The following UGT1A8 variants were observed in gnomAD, a reference collection of about 807,000 sequenced individuals.
UGT1A8 encodes the protein UDP-glucuronosyltransferase 1A8.
UGT1A8 carries 39 observed loss-of-function variants against 45.3 expected under a neutral mutation model. The ratio of observed to expected loss-of-function variants is 0.86; its 90% CI spans 0.67 to 1.12. The LOEUF is 1.12. Among genes scored for constraint, UGT1A8 ranks in the 50% most tolerant of loss-of-function variants. UGT1A8 has a pLI of 0.00. For synonymous variants in UGT1A8, 275 were observed against 249.2 expected, an observed-to-expected ratio of 1.10 and a Z score of -0.97; for missense variants, 719 against 664.9, an observed-to-expected ratio of 1.08 and a Z score of -0.90.
chr2:233,673,507 C>T (rs2074260225), intron 1 of UGT1A8, among the ~76,000 whole-genome samples: 1 of 152,076 alleles, frequency 6.6e-6, no homozygotes, highest in South Asian at 2.1e-4. Flanking sequence ...GACTAGAGCC[C>T]TACATGTAGG....
chr2:233,654,660 A>G (rs2073815641), intron 1 of UGT1A8, among the ~76,000 whole-genome samples: 1 of 152,248 alleles, frequency 6.6e-6, no homozygotes, highest in South Asian at 2.1e-4. Flanking sequence ...AGCAACACCA[A>G]TTGCTACAGG....
At chr2:233,693,962 T>A in intron 1 of UGT1A8, 2 of 1,580,092 alleles carry the variant, frequency 1.3e-6, no homozygotes, top group Non-Finnish European at 8.6e-7. Flanking sequence ...CTTGGAGGAT[T>A]TCCTGGAGAA....
intron 1 of UGT1A8, among the ~76,000 whole-genome samples, chr2:233,707,670 C>T (rs374059443): frequency 6.6e-6 from 1 of 151,694 alleles, no homozygotes; most frequent in East Asian, 1.9e-4. Flanking sequence ...TTTATCCATT[C>T]TACTGTTGAT....
chr2:233,638,300 A>C (rs544608346), intron 1 of UGT1A8, among the ~76,000 whole-genome samples: 9 of 152,202 alleles, frequency 5.9e-5, no homozygotes, highest in Non-Finnish European at 1.3e-4. Context: ...TATTTTGTAC[A>C]GGGCAATGTT....
intron 1 of UGT1A8, among the ~76,000 whole-genome samples, chr2:233,634,416 G>A (rs1054402624): frequency 6.6e-6 from 1 of 152,134 alleles, no homozygotes; most frequent in African/African-American, 2.4e-5. Context: ...GAGTGTTAAA[G>A]TCTCCCACTA....
intron 1 of UGT1A8, chr2:233,741,376 C>T (rs1691643846): frequency 6.6e-6 from 1 of 151,824 alleles, no homozygotes; most frequent in Non-Finnish European, 1.5e-5. Flanking sequence ...ACTGCCCATG[C>T]CTTTCTACCA....
At chr2:233,766,566 G>A (rs930471985) in intron 1 of UGT1A8, among the ~76,000 whole-genome samples, 1 of 152,162 alleles carries the variant, frequency 6.6e-6, no homozygotes, top group Non-Finnish European at 1.5e-5. Context: ...AGGTCCATGG[G>A]CACAGGTCTG....
intron 1 of UGT1A8, among the ~76,000 whole-genome samples, chr2:233,652,351 T>G (rs1423603793): frequency 6.6e-6 from 1 of 152,254 alleles, no homozygotes; most frequent in Non-Finnish European, 1.5e-5. Context: ...TTGTGTTACA[T>G]AATTTTCAAT....
At chr2:233,710,108 C>T (rs991236608) in intron 1 of UGT1A8, among the ~76,000 whole-genome samples, 4 of 152,152 alleles carry the variant, frequency 2.6e-5, no homozygotes, top group Non-Finnish European at 4.4e-5. Flanking sequence ...ATATTTCATT[C>T]GTTTCTATTT....
At chr2:233,712,032 A>G (rs564582261) in intron 1 of UGT1A8, among the ~76,000 whole-genome samples, 2 of 152,204 alleles carry the variant, frequency 1.3e-5, no homozygotes, top group Non-Finnish European at 2.9e-5. Flanking sequence ...TTGGTGCTGG[A>G]TTGACTTGGA....
intron 1 of UGT1A8, among the ~76,000 whole-genome samples, chr2:233,663,386 G>A (rs2074013236): frequency 6.6e-6 from 1 of 152,152 alleles, no homozygotes; most frequent in Admixed American, 6.5e-5. Flanking sequence ...TGATTGGTCA[G>A]GGATGAAATC....
At chr2:233,682,942 T>C in intron 1 of UGT1A8, 2 of 1,422,272 alleles carry the variant, frequency 1.4e-6, no homozygotes, top group Non-Finnish European at 1.9e-6. Context: ...CACTTAATTG[T>C]TGGGTAGCAA....
intron 1 of UGT1A8, among the ~76,000 whole-genome samples, chr2:233,663,916 T>C (rs1170443025): frequency 2.0e-5 from 3 of 152,200 alleles, no homozygotes; most frequent in East Asian, 1.9e-4. Flanking sequence ...ACAAGTAGAA[T>C]GATATAACTT....
At chr2:233,738,159 T>C (rs1033238809) in intron 1 of UGT1A8, among the ~76,000 whole-genome samples, 2 of 152,228 alleles carry the variant, frequency 1.3e-5, no homozygotes, top group African/African-American at 4.8e-5. Context: ...GCTATTCCTC[T>C]TTCTCTCTTT....
intron 1 of UGT1A8, among the ~76,000 whole-genome samples, chr2:233,678,025 G>A (rs4663877): frequency 0.18 from 27,600 of 152,072 alleles, 2,728 homozygotes; most frequent in Non-Finnish European, 0.23. Context: ...TAACAACATG[G>A]ATGCAGCTGG....
intron 1 of UGT1A8, among the ~76,000 whole-genome samples, chr2:233,661,905 G>A (rs1204428517): frequency 6.6e-6 from 1 of 151,766 alleles, no homozygotes. Context: ...GACAAACAAT[G>A]CATGAGAACT....
chr2:233,724,171 CA>C (rs2077183449), intron 1 of UGT1A8, among the ~76,000 whole-genome samples: 1 of 91,442 alleles, frequency 1.1e-5, no homozygotes, highest in Non-Finnish European at 2.4e-5. Context: ...CTGACCCCCC[CA>C]TCTCCCTCCC....
chr2:233,761,904 G>A (rs887991064), intron 1 of UGT1A8, among the ~76,000 whole-genome samples: 2 of 152,234 alleles, frequency 1.3e-5, no homozygotes, highest in Non-Finnish European at 2.9e-5. Context: ...AAGATTGGCT[G>A]AGGATCTACT....
intron 1 of UGT1A8, among the ~76,000 whole-genome samples, chr2:233,678,032 C>T (rs2074406674): frequency 1.3e-5 from 2 of 152,118 alleles, no homozygotes; most frequent in South Asian, 4.1e-4. Flanking sequence ...ATGGATGCAG[C>T]TGGAGGTCAT....
Sources: gnomAD v4.1 joint callset for allele counts (sites outside exome capture counted in the v4.1 genomes callset) on GRCh38, gnomAD v4.1.1 for gene constraint, MANE v1.5 for transcripts, NCBI Gene and HGNC (gene_info 2026-07-23, HGNC 2026-07-21) for gene names.